Variants in FRAS1 observed in about 807,000 individuals in gnomAD.
FRAS1 encodes the protein extracellular matrix organizing protein FRAS1.
FRAS1 carries 290 observed loss-of-function variants against 435.2 expected under a neutral mutation model. The ratio of observed to expected loss-of-function variants is 0.67; its 90% CI spans 0.61 to 0.73. The LOEUF is 0.73. Ranked by LOEUF, FRAS1 falls within the 30% of genes least tolerant of loss-of-function variation. The probability of loss-of-function intolerance (pLI) is 0.00; values close to 1 mark genes in which losing one functional copy is unlikely to be tolerated. For synonymous variants in FRAS1, 1,800 were observed against 1,851.0 expected (o/e 0.97, Z 0.71); for missense variants, 4,860 against 5,001.5 (o/e 0.97, Z 0.85).
chr4:78,398,789 C>T (rs999363266), intron 29 of FRAS1, among the ~76,000 whole-genome samples: 4 of 152,160 alleles, frequency 2.6e-5, no homozygotes, highest in Admixed American at 6.5e-5. Context: ...TCGAGACCAG[C>T]CTGGCCAACA....
chr4:78,285,604 A>G (rs1269342097), intron 13 of FRAS1, among the ~76,000 whole-genome samples: 1 of 151,496 alleles, frequency 6.6e-6, no homozygotes, highest in Non-Finnish European at 1.5e-5. Context: ...GCTAATTTTC[A>G]TATTTTTAGT....
intron 2 of FRAS1, among the ~76,000 whole-genome samples, chr4:78,091,832 T>C (rs1024724293): frequency 6.6e-6 from 1 of 151,770 alleles, no homozygotes; most frequent in Non-Finnish European, 1.5e-5. Context: ...CAAATGAATA[T>C]ATTTTTAAAA....
Position 78,444,222 on chromosome 4 carries a change from G to GA in FRAS1, c.5666-1294dup, listed in dbSNP as rs199594659. On this transcript the variant is annotated intron_variant, in intron 41 of 73. Coordinates refer to ENST00000512123, the MANE Select transcript of FRAS1 (RefSeq NM_025074.7). ...CTCCTGTTTAGAGTGATAAATTTAA[G>GA]AAAAAAGTAAAAATTGGAAGGAATT... 1.8e-3 allele frequency: 825 copies of GA among 447,296 alleles called. 4 individuals carry two copies. The highest frequency in any genetic ancestry group is 0.015 in the African/African-American group (746 of 49,252). 27.7% of individuals were successfully genotyped at this position (447,296 alleles called of 1,614,324 possible).
chr4:78,390,355 T>C (rs766611649), intron 29 of FRAS1, among the ~76,000 whole-genome samples: 5 of 152,188 alleles, frequency 3.3e-5, no homozygotes, highest in Non-Finnish European at 7.4e-5. Flanking sequence ...GTACAGTTAT[T>C]ATCCATAATT....
intron 51 of FRAS1, among the ~76,000 whole-genome samples, chr4:78,471,439 C>T (rs1396791955): frequency 6.6e-6 from 1 of 151,888 alleles, no homozygotes; most frequent in East Asian, 1.9e-4. Flanking sequence ...CTTTTTTCCC[C>T]ACCTTATTTA....
At chr4:78,536,403 C>G (rs183107269) in intron 71 of FRAS1, among the ~76,000 whole-genome samples, 49 of 152,156 alleles carry the variant, frequency 3.2e-4, no homozygotes, top group Non-Finnish European at 6.0e-4. Context: ...TGGAATGTAA[C>G]AGTATAGCAT....
intron 2 of FRAS1, among the ~76,000 whole-genome samples, chr4:78,124,005 A>G (rs1295136857): frequency 2.0e-5 from 3 of 152,182 alleles, no homozygotes; most frequent in Non-Finnish European, 4.4e-5. Context: ...CAGAACTTCC[A>G]ATACTATGTT....
chr4:78,204,613 A>T (rs561519577), intron 2 of FRAS1, among the ~76,000 whole-genome samples: 1 of 152,316 alleles, frequency 6.6e-6, no homozygotes, highest in East Asian at 1.9e-4. Context: ...GATCATTATC[A>T]TGAAGCTTTA....
chr4:78,152,445 T>C (rs373796675), intron 2 of FRAS1, among the ~76,000 whole-genome samples: 44 of 152,216 alleles, frequency 2.9e-4, no homozygotes, highest in African/African-American at 1.0e-3. Flanking sequence ...AAGAGACTAA[T>C]GTACTTGCTG....
intron 14 of FRAS1, among the ~76,000 whole-genome samples, chr4:78,287,663 T>C (rs1727675087): frequency 6.6e-6 from 1 of 152,078 alleles, no homozygotes; most frequent in Non-Finnish European, 1.5e-5. Flanking sequence ...AGGAAAATGA[T>C]TGAGGTTAAA....
intron 61 of FRAS1, among the ~76,000 whole-genome samples, chr4:78,502,438 C>G (rs1720714455): frequency 6.6e-6 from 1 of 152,052 alleles, no homozygotes; most frequent in African/African-American, 2.4e-5. Context: ...CCTTCATGTC[C>G]CTTGTAAGTT....
chr4:78,080,906 C>T (rs1200202552), intron 2 of FRAS1, among the ~76,000 whole-genome samples: 1 of 152,178 alleles, frequency 6.6e-6, no homozygotes, highest in Non-Finnish European at 1.5e-5. Context: ...GATGTGCAGG[C>T]AAGTGGAGAT....
chr4:78,374,087 GA>G (rs758586925), intron 24 of FRAS1, 23 bp from the exon 25 acceptor site: 2 of 1,552,452 alleles, frequency 1.3e-6, no homozygotes, highest in Non-Finnish European at 1.8e-6. Context: ...ACAGATTCCT[GA>G]TGACTTGACT....
chr4:78,279,256 G>C (rs1727207387), intron 10 of FRAS1, among the ~76,000 whole-genome samples: 1 of 152,242 alleles, frequency 6.6e-6, no homozygotes, highest in African/African-American at 2.4e-5. Flanking sequence ...ATTGGAGTCT[G>C]GTAGGAACTT....
In FRAS1 at chr4:78,509,000, C is replaced by A; in HGVS notation, c.9774C>A (p.Asn3258Lys). The A allele has an allele frequency of 6.2e-7, 1 of 1,613,962 alleles. No individual in the cohort carries two copies. Among genetic ancestry groups the A allele is most frequent in the Non-Finnish European group, 8.5e-7 (1 of 1,179,876 alleles). ...ACAACACACCATTCACCAGTGTCAA[C>A]CACATGGTAGGTCTGGGGGTCTGGG... ...ITDNTPFTSV[N>K]HMVLDSIYFS... The change falls in exon 63 of 74, where the codon AAC (asparagine) becomes AAA (lysine). Residue 3258 changes from asparagine (N) to lysine (K), a missense_variant. Asn to Lys is a moderately conservative substitution (Grantham distance 94). Coordinates refer to ENST00000512123, the MANE Select transcript of FRAS1 (RefSeq NM_025074.7).
chr4:78,272,810 C>T (rs1327026196), intron 9 of FRAS1, among the ~76,000 whole-genome samples: 1 of 151,782 alleles, frequency 6.6e-6, no homozygotes, highest in African/African-American at 2.4e-5. Context: ...TTTTTTGGTT[C>T]CATATGAACT....
At chr4:78,526,880 C>T (rs1721550501) in intron 70 of FRAS1, among the ~76,000 whole-genome samples, 1 of 152,132 alleles carries the variant, frequency 6.6e-6, no homozygotes, top group Admixed American at 6.5e-5. Context: ...TCTCATACTC[C>T]AAACAAGCAT....
chr4:78,114,021 G>T (rs1742948705), intron 2 of FRAS1, among the ~76,000 whole-genome samples: 1 of 152,096 alleles, frequency 6.6e-6, no homozygotes, highest in Admixed American at 6.6e-5. Context: ...TGTAAGGAAG[G>T]GATCTAGTTT....
intron 47 of FRAS1, among the ~76,000 whole-genome samples, chr4:78,453,901 T>C (rs191404726): frequency 5.3e-5 from 8 of 152,214 alleles, no homozygotes; most frequent in Admixed American, 1.3e-4. Flanking sequence ...TTTTCAGATT[T>C]TAGGTTATAC....
Sources: allele counts gnomAD v4.1 joint callset (sites outside exome capture counted in the v4.1 genomes callset), GRCh38; gene constraint gnomAD v4.1.1; transcripts MANE v1.5; gene names NCBI Gene and HGNC (gene_info 2026-07-23, HGNC 2026-07-21).